MAN1B1: variants seen among roughly 807,000 people sequenced by gnomAD.
MAN1B1 encodes the protein endoplasmic reticulum mannosyl-oligosaccharide 1,2-alpha-mannosidase.
In MAN1B1, 66 loss-of-function variants were observed where a neutral mutation model predicts 75.5. The observed-to-expected ratio is 0.87, with a 90% CI of 0.72 to 1.07. The LOEUF is 1.07. Among genes scored for constraint, MAN1B1 ranks in the 50% least tolerant of loss-of-function variants. The pLI is 0.00. For synonymous variants in MAN1B1, 453 were observed against 382.8 expected (o/e 1.18, Z -2.14); for missense variants, 973 against 912.5 (o/e 1.07, Z -0.85).
chr9:137,103,151 A>G (rs1830941100), intron 8 of MAN1B1: 1 of 413,168 alleles, frequency 2.4e-6, no homozygotes, highest in Non-Finnish European at 4.7e-6. Context: ...TGTTACATTC[A>G]CACTGTTGCA....
At chr9:137,098,979 G>A (rs548599109) in intron 5 of MAN1B1, among the ~76,000 whole-genome samples, 7 of 152,276 alleles carry the variant, frequency 4.6e-5, no homozygotes, top group South Asian at 4.1e-4. Context: ...ATAGGCACCC[G>A]CCACCACACC....
chr9:137,101,916 G>A (rs564757898), intron 8 of MAN1B1: 18 of 637,746 alleles, frequency 2.8e-5, no homozygotes, highest in East Asian at 9.4e-5. Flanking sequence ...CGTGCAGGTC[G>A]GTGGTGTTAC....
chr9:137,104,086 C>G (rs879743709), intron 8 of MAN1B1: 30 of 457,034 alleles, frequency 6.6e-5, no homozygotes, highest in Non-Finnish European at 1.3e-4. Context: ...ATCTCCAGAG[C>G]CCTTTTCATC....
At chr9:137,098,140 A>G (rs77060889) in intron 5 of MAN1B1, among the ~76,000 whole-genome samples, 113 of 152,298 alleles carry the variant, frequency 7.4e-4, no homozygotes, top group African/African-American at 2.6e-3. Flanking sequence ...CCCTGAGCAC[A>G]TGGCTGCAGA....
At chr9:137,106,360 C>G (rs1332176030) in intron 9 of MAN1B1, 45 bp downstream of exon 9, 7 of 1,495,112 alleles carry the variant, frequency 4.7e-6, no homozygotes, top group African/African-American at 1.4e-5. Context: ...CTCCCCCGTT[C>G]CCGCAGCCCC....
At chr9:137,108,168 G>A in intron 12 of MAN1B1, 1 of 615,436 alleles carries the variant, frequency 1.6e-6, no homozygotes. Flanking sequence ...TTCTGGGGGA[G>A]GCGGTTTCTG....
At chr9:137,105,464 GGTTGCTGC>G (rs1408723920) in intron 8 of MAN1B1, 1 of 192,536 alleles carries the variant, frequency 5.2e-6, no homozygotes, top group African/African-American at 2.4e-5. Context: ...CAGGGCCTCT[GGTTGCTGC>G]CGGTACACAG....
At chr9:137,091,687 C>T (rs982917776) in intron 3 of MAN1B1, among the ~76,000 whole-genome samples, 4 of 151,954 alleles carry the variant, frequency 2.6e-5, no homozygotes, top group Admixed American at 6.6e-5. Flanking sequence ...CCACCACGCC[C>T]GGCTAATTTT....
chr9:137,098,033 G>T, intron 5 of MAN1B1, 96 bp downstream of exon 5: 1 of 878,734 alleles, frequency 1.1e-6, no homozygotes, highest in Non-Finnish European at 1.8e-6. Flanking sequence ...TGGCGCCCCC[G>T]CCCTGGTGTG....
Position 137,106,704 on chromosome 9 carries a change from C to T in MAN1B1, c.1461C>T (p.Tyr487=), listed in dbSNP as rs373672617. The change falls in exon 10 of 13, where the codon TAC becomes TAT. Residue 487 remains tyrosine, a synonymous_variant. Transcript: ENST00000371589. ...GTGTCCACAGGCTGCTGGAAGACTA[C>T]GTGGAAGCCATCGAGGGTGTCAGAA... ...GKQETQLLED[Y]VEAIEGVRTH... The T allele has an allele frequency of 3.4e-5, 55 of 1,613,396 alleles. No individual in the cohort carries two copies. The highest frequency in any genetic ancestry group is 8.0e-5 in the African/African-American group (6 of 74,948).
At chr9:137,095,563 A>T (rs893522811) in intron 3 of MAN1B1, among the ~76,000 whole-genome samples, 6 of 152,142 alleles carry the variant, frequency 3.9e-5, no homozygotes, top group Admixed American at 3.9e-4. Context: ...TATAGTAATA[A>T]TAATAATAAA....
At chr9:137,087,433 G>A (rs538522578) in intron 1 of MAN1B1, 1 of 716,310 alleles carries the variant, frequency 1.4e-6, no homozygotes, top group Admixed American at 2.0e-5. Flanking sequence ...ATTCTGCGGG[G>A]CGGTGGTGGG....
chr9:137,098,070 T>TA, intron 5 of MAN1B1, 133 bp downstream of exon 5: 1 of 687,710 alleles, frequency 1.5e-6, no homozygotes, highest in East Asian at 2.7e-5. Context: ...ATCCCCCTGT[T>TA]GTCTGAGTCC....
At position 137,107,200 on chromosome 9, in the gene MAN1B1, G is replaced by A. The variant is rs766864523; in HGVS notation, c.1567-50G>A. On this transcript the variant is annotated intron_variant, in intron 10 of 12. Transcript: ENST00000371589. Reference sequence around the variant, plus strand: ...ACGTTGGCTGCCCGTGCAGCTGCAGGCTGAGGGCAGGGCCTGGGATCTGGG... The same window carrying A: ...ACGTTGGCTGCCCGTGCAGCTGCAGACTGAGGGCAGGGCCTGGGATCTGGG... 3 of 1,588,446 alleles carry A rather than the reference G, an allele frequency of 1.9e-6. No homozygotes were observed. The South Asian group carries it at 3.3e-5, about 18-fold the overall frequency.
chr9:137,088,602 C>T, intron 2 of MAN1B1: 1 of 690,606 alleles, frequency 1.4e-6, no homozygotes, highest in Non-Finnish European at 2.4e-6. Flanking sequence ...AGGGCTCCTG[C>T]CCACCTGCCA....
chr9:137,102,818 G>C, intron 8 of MAN1B1: 6 of 452,268 alleles, frequency 1.3e-5, no homozygotes, highest in Admixed American at 2.4e-5. Flanking sequence ...AGGCGTGCAG[G>C]TCGGTGGTGT....
At chr9:137,102,612 G>A (rs36170969) in intron 8 of MAN1B1, 22 of 441,454 alleles carry the variant, frequency 5.0e-5, no homozygotes, top group South Asian at 9.5e-5. Context: ...TGTTGCAAGC[G>A]TGCAGGTCGG....
rs371136351 is a variant in MAN1B1 at position 137,108,478 on chromosome 9, G to A, written c.1987G>A (p.Glu663Lys). The change falls in exon 13 of 13, where the codon GAG (glutamate) becomes AAG (lysine). Residue 663 changes from glutamate (E) to lysine (K), a missense_variant. By Grantham distance (56) the Glu-to-Lys change is moderately conservative. Coordinates refer to ENST00000371589, the MANE Select transcript of MAN1B1 (RefSeq NM_016219.5). ...CAAGATGGAGAGCTTCTTCCTGGGG[G>A]AGACGCTCAAGTATCTGTTCTTGCT... ...RDKMESFFLG[E>K]TLKYLFLLFS... The A allele has an allele frequency of 1.2e-6, 2 of 1,613,946 alleles. No homozygotes were observed. Among genetic ancestry groups the A allele is most frequent in the Non-Finnish European group, 1.7e-6 (2 of 1,179,958 alleles).
Position 137,107,365 on chromosome 9 carries a change from G to A in MAN1B1, c.1682G>A (p.Arg561Gln), listed in dbSNP as rs369011797. The change falls in exon 11 of 13, where the codon CGG becomes CAG. Residue 561 changes from arginine to glutamine, a missense_variant. Arg to Gln is a conservative substitution (Grantham distance 43, BLOSUM62 1). Transcript: ENST00000371589. ...ELMETCYQMN[R>Q]QMETGLSPEI... ...ATGGAGACTTGTTACCAGATGAACC[G>A]GCAGATGGAGACGGGGCTGAGTCCC... The A allele has an allele frequency of 7.1e-5, 115 of 1,613,280 alleles. No individual in the cohort carries two copies. Among genetic ancestry groups the A allele is most frequent in the African/African-American group, 1.5e-4 (11 of 74,940 alleles).
Sources: gnomAD v4.1 joint callset for allele counts (sites outside exome capture counted in the v4.1 genomes callset) on GRCh38, gnomAD v4.1.1 for gene constraint, MANE v1.5 for transcripts, NCBI Gene and HGNC (gene_info 2026-07-23, HGNC 2026-07-21) for gene names.